AR: variants seen among roughly 807,000 people sequenced by gnomAD.
The protein encoded by AR is androgen receptor.
In AR, 8 loss-of-function variants were observed where a neutral mutation model predicts 53.9. The observed-to-expected ratio is 0.15, with a 90% CI of 0.09 to 0.27. AR has a LOEUF of 0.27. Ranked by LOEUF, AR falls within the 10% of genes least tolerant of loss-of-function variation. AR has a pLI of 1.00. For synonymous variants in AR, 359 were observed against 316.4 expected, an observed-to-expected ratio of 1.13 and a Z score of -1.43; for missense variants, 639 against 742.5, an observed-to-expected ratio of 0.86 and a Z score of 1.62.
Position 67,723,776 on chromosome X carries a change from A to G in AR, c.2698A>G (p.Ile900Val), listed in dbSNP as rs1555998108. Residue 900 changes from isoleucine (I) to valine (V), a missense_variant, in exon 8 of 8, where the codon ATC (isoleucine) becomes GTC (valine). This residue lies in a region of AR where 95 missense variants were observed against 196.4 expected (regional missense o/e 0.48). Coordinates refer to ENST00000374690, the MANE Select transcript of AR (RefSeq NM_000044.6). ...CTTTCCGGAAATGATGGCAGAGATC[A>G]TCTCTGTGCAAGTGCCCAAGATCCT... ...VDFPEMMAEI[I>V]SVQVPKILSG... is the part of the protein sequence containing the mutation. The G allele has an allele frequency of 8.3e-7, 1 of 1,211,078 alleles. No homozygotes were observed. The highest frequency in any genetic ancestry group is 1.1e-6 in the Non-Finnish European group (1 of 895,315).
intron 2 of AR, among the ~76,000 whole-genome samples, chrX:67,667,890 T>C (rs1415680683): frequency 8.9e-6 from 1 of 112,007 alleles, no homozygotes; most frequent in Non-Finnish European, 1.9e-5. Flanking sequence ...ACAGAAATGC[T>C]ACTGATTTTT....
chrX:67,681,551 T>TAA (rs1569304411), intron 2 of AR, among the ~76,000 whole-genome samples: 3 of 112,343 alleles, frequency 2.7e-5, no homozygotes, highest in Non-Finnish European at 5.6e-5. Context: ...TTTCAATACT[T>TAA]TGTGCCCATT....
chrX:67,641,148 G>A (rs934487234), intron 1 of AR, among the ~76,000 whole-genome samples: 2 of 111,427 alleles, frequency 1.8e-5, no homozygotes, highest in Middle Eastern at 9.3e-3. Flanking sequence ...ACACTTTGGA[G>A]TCAGACTCAC....
chrX:67,658,393 C>G (rs779532697), intron 2 of AR, among the ~76,000 whole-genome samples: 35 of 112,015 alleles, frequency 3.1e-4, no homozygotes, highest in Non-Finnish European at 5.8e-4. Flanking sequence ...AAGTTTTATC[C>G]ATTTAACTTG....
intron 1 of AR, among the ~76,000 whole-genome samples, chrX:67,632,055 G>A (rs1308496745): frequency 7.1e-5 from 8 of 112,513 alleles, no homozygotes; most frequent in Non-Finnish European, 1.5e-4. Flanking sequence ...TGTCCAACAG[G>A]GACATTTAAG....
At chrX:67,555,684 A>G (rs1921017470) in intron 1 of AR, among the ~76,000 whole-genome samples, 2 of 112,310 alleles carry the variant, frequency 1.8e-5, no homozygotes, top group African/African-American at 6.5e-5. Context: ...GTATTAGACA[A>G]CGTAACATTC....
rs3032358 is a variant in AR at position 67,545,316 on chromosome X, T to TGCAGCAGCAGCA, written c.228_239dup (p.Gln77_Gln80dup). 13,387 of 995,294 alleles carry TGCAGCAGCAGCA rather than the reference T, an allele frequency of 0.013. 87 individuals carry two copies. The highest frequency in any genetic ancestry group is 0.042 in the East Asian group (1,242 of 29,441). The allele number at this position is 995,294 out of a possible 1,213,427, so 82.0% of individuals were successfully genotyped here. A position where few individuals can be genotyped will look rare whatever the true frequency, so the allele number is the denominator to read the frequency against. ...CCTCCCGGCGCCAGTTTGCTGCTGCTGCAGCAGCAGCAGCAGCAGCAGCAG... is the reference window on the plus strand; with the variant it reads ...CCTCCCGGCGCCAGTTTGCTGCTGCTGCAGCAGCAGCAGCAGCAGCAGCAGCAGCAGCAGCAG... On this transcript the variant is annotated inframe_insertion, in exon 1 of 8. Coordinates refer to ENST00000374690, the MANE Select transcript of AR (RefSeq NM_000044.6).
chrX:67,659,107 A>T (rs967637192), intron 2 of AR, among the ~76,000 whole-genome samples: 1 of 111,274 alleles, frequency 9.0e-6, no homozygotes, highest in East Asian at 2.9e-4. Flanking sequence ...ATGTTAGAAT[A>T]GAAAATAAAA....
chrX:67,685,973 T>C (rs1195730816), intron 2 of AR, 37 bp from the exon 3 acceptor site: 7 of 1,209,242 alleles, frequency 5.8e-6, no homozygotes, highest in Non-Finnish European at 7.8e-6. Context: ...TGGAAACTCA[T>C]TATCAGGTCT....
At chrX:67,709,749 A>G (rs1194692925) in intron 3 of AR, among the ~76,000 whole-genome samples, 1 of 112,123 alleles carries the variant, frequency 8.9e-6, no homozygotes, top group Admixed American at 9.4e-5. Context: ...GGAGCTGTAG[A>G]CTGGAGCTGT....
intron 1 of AR, among the ~76,000 whole-genome samples, chrX:67,570,559 A>T (rs1215176546): frequency 9.0e-6 from 1 of 111,533 alleles, no homozygotes; most frequent in Non-Finnish European, 1.9e-5. Context: ...TATTAATTTC[A>T]TGATGTCAGT....
intron 1 of AR, among the ~76,000 whole-genome samples, chrX:67,611,644 A>C (rs998179066): frequency 8.9e-6 from 1 of 111,856 alleles, no homozygotes; most frequent in Non-Finnish European, 1.9e-5. Context: ...GGATGATTTA[A>C]ATCATGTACT....
chrX:67,714,593 G>GA (rs201838324), intron 4 of AR, among the ~76,000 whole-genome samples: 101 of 111,527 alleles, frequency 9.1e-4, no homozygotes, highest in Non-Finnish European at 1.5e-3. Context: ...TGCTGCACAT[G>GA]AAAAAAATAT....
intron 1 of AR, among the ~76,000 whole-genome samples, chrX:67,608,480 G>A (rs1923731561): frequency 9.0e-6 from 1 of 111,582 alleles, no homozygotes; most frequent in Admixed American, 9.6e-5. Context: ...GAAATGTTAG[G>A]AAGATCCTAG....
intron 1 of AR, among the ~76,000 whole-genome samples, chrX:67,625,854 T>A (rs1356728190): frequency 9.0e-6 from 1 of 111,219 alleles, no homozygotes; most frequent in South Asian, 3.8e-4. Flanking sequence ...TAGGCAATGG[T>A]TTTTTGGCTA....
chrX:67,641,993 T>C (rs191645065), intron 1 of AR, among the ~76,000 whole-genome samples: 1 of 110,714 alleles, frequency 9.0e-6, no homozygotes, highest in African/African-American at 3.3e-5. Flanking sequence ...CAAATTGTCC[T>C]GCACTTCCCC....
chrX:67,604,819 A>G (rs754164825), intron 1 of AR, among the ~76,000 whole-genome samples: 1 of 111,966 alleles, frequency 8.9e-6, no homozygotes, highest in Non-Finnish European at 1.9e-5. Context: ...TACAGAATGT[A>G]TTTCTCTGAA....
rs1555969694 is a variant in AR at position 67,545,936 on chromosome X, C to CG, written c.796dup (p.Asp266GlyfsTer39). On this transcript the variant is annotated frameshift_variant, in exon 1 of 8. Coordinates refer to ENST00000374690, the MANE Select transcript of AR (RefSeq NM_000044.6). LOFTEE classifies it high-confidence loss of function. ...GCATCTGAGTCCAGGGGAACAGCTT[C>CG]GGGGGGATTGCATGTACGCCCCACT... 2 of 1,212,068 alleles carry CG rather than the reference C, an allele frequency of 1.7e-6. No individual in the cohort carries two copies. The highest frequency in any genetic ancestry group is 1.7e-5 in the African/African-American group (1 of 57,918).
Position 67,643,414 on chromosome X carries a change from G to T in AR, c.1768+7G>T, listed in dbSNP as rs1392447241. On this transcript the variant is annotated splice_region_variant and intron_variant, in intron 2 of 7. Coordinates refer to ENST00000374690, the MANE Select transcript of AR (RefSeq NM_000044.6). ...TTCAAAAGAGCCGCTGAAGGTAAAG[G>T]GTCTTGCACATGCACTTCTCTTTCC... 1 of 1,205,317 alleles carries T rather than the reference G, an allele frequency of 8.3e-7. No individual in the cohort carries two copies. The highest frequency in any genetic ancestry group is 2.2e-5 in the Admixed American group (1 of 45,332).
Sources: allele counts gnomAD v4.1 joint callset (sites outside exome capture counted in the v4.1 genomes callset), GRCh38; gene constraint gnomAD v4.1.1; regional missense constraint gnomAD v4.1.1; transcripts MANE v1.5; gene names NCBI Gene and HGNC (gene_info 2026-07-23, HGNC 2026-07-21).